The following TCAF1 variants were observed in gnomAD, a reference collection of about 807,000 sequenced individuals.
The protein encoded by TCAF1 is TRPM8 channel-associated factor 1.
In TCAF1, 4 loss-of-function variants were observed where a neutral mutation model predicts 27.3. That is an observed-to-expected ratio of 0.15 (90% CI 0.07 to 0.34). TCAF1 has a LOEUF of 0.34. Ranked by LOEUF, TCAF1 falls within the 10% of genes least tolerant of loss-of-function variation. The pLI, the probability that TCAF1 is intolerant of heterozygous loss-of-function variation, is 1.00. For synonymous variants in TCAF1, 105 were observed against 167.1 expected (o/e 0.63, Z 2.87); for missense variants, 257 against 425.8 (o/e 0.60, Z 3.49).
intron 1 of TCAF1, among the ~76,000 whole-genome samples, chr7:143,881,266 T>C (rs938340696): frequency 2.6e-5 from 4 of 152,222 alleles, no homozygotes; most frequent in African/African-American, 9.6e-5. Flanking sequence ...AGACATTCCA[T>C]GTCTGGATGA....
At chr7:143,886,699 C>CT (rs1586789615) in intron 1 of TCAF1, among the ~76,000 whole-genome samples, 1 of 124,016 alleles carries the variant, frequency 8.1e-6, no homozygotes, top group East Asian at 2.4e-4. Flanking sequence ...TCAAATTTTA[C>CT]CTTTTTTTTT....
chr7:143,851,778 GT>G lies in TCAF1; in HGVS notation c.*2354del, dbSNP rs1188736018. The G allele has an allele frequency of 2.0e-5, 3 of 152,012 alleles. No individual in the cohort carries two copies. The highest frequency in any genetic ancestry group is 7.3e-5 in the African/African-American group (3 of 41,326). The allele number at this position is 152,012 out of a possible 1,614,324, so 9.4% of individuals were successfully genotyped here. ...ACAATACACTAATCCTCTAGTTCTT[GT>G]TCCATTAACTGAAGATCTTTTCATC... On this transcript the variant is annotated 3_prime_UTR_variant, in exon 9 of 9. Coordinates refer to ENST00000479870, the MANE Select transcript of TCAF1 (RefSeq NM_014719.3).
At chr7:143,901,144 G>A (rs1461184282) in intron 1 of TCAF1, among the ~76,000 whole-genome samples, 2 of 152,086 alleles carry the variant, frequency 1.3e-5, no homozygotes, top group Non-Finnish European at 2.9e-5. Flanking sequence ...TTATTTTTTA[G>A]ACCATTCTGA....
chr7:143,897,983 T>G (rs1813964032), intron 1 of TCAF1, among the ~76,000 whole-genome samples: 1 of 152,116 alleles, frequency 6.6e-6, no homozygotes, highest in Admixed American at 6.5e-5. Context: ...TGTATCTATA[T>G]CCACATACAG....
chr7:143,886,191 C>A (rs967301763), intron 1 of TCAF1, among the ~76,000 whole-genome samples: 1 of 152,212 alleles, frequency 6.6e-6, no homozygotes, highest in African/African-American at 2.4e-5. Flanking sequence ...CCCAGGGCCC[C>A]AGGGAGATTT....
intron 1 of TCAF1, among the ~76,000 whole-genome samples, chr7:143,890,242 TC>T (rs1250798703): frequency 1.6e-4 from 24 of 151,680 alleles, no homozygotes; most frequent in African/African-American, 5.8e-4. Flanking sequence ...GACCTTGTGA[TC>T]CGCCCGCCTC....
intron 1 of TCAF1, among the ~76,000 whole-genome samples, chr7:143,889,206 C>G (rs1324557061): frequency 6.6e-6 from 1 of 152,056 alleles, no homozygotes; most frequent in African/African-American, 2.4e-5. Flanking sequence ...CACATCTGAT[C>G]TGAGGTTCAA....
intron 1 of TCAF1, among the ~76,000 whole-genome samples, chr7:143,888,149 A>G (rs944720504): frequency 6.6e-6 from 1 of 152,246 alleles, no homozygotes; most frequent in African/African-American, 2.4e-5. Context: ...GAATGTAGAT[A>G]AATGTCCCAA....
intron 1 of TCAF1, among the ~76,000 whole-genome samples, chr7:143,894,546 C>T (rs574455596): frequency 1.5e-4 from 23 of 151,820 alleles, no homozygotes; most frequent in Non-Finnish European, 2.7e-4. Context: ...TTAACCCATA[C>T]CTCATATCAT....
intron 1 of TCAF1, chr7:143,882,495 C>A: frequency 1.0e-6 from 1 of 985,374 alleles, no homozygotes; most frequent in Non-Finnish European, 1.2e-6. Context: ...AGGAGCAATG[C>A]GGCAGGGGGA....
intron 1 of TCAF1, among the ~76,000 whole-genome samples, chr7:143,890,128 A>G (rs1456760105): frequency 6.6e-6 from 1 of 151,948 alleles, no homozygotes; most frequent in Admixed American, 6.6e-5. Context: ...AGCTGGGACT[A>G]CAGGCACCCG....
intron 1 of TCAF1, chr7:143,886,459 A>G (rs1207606367): frequency 1.1e-5 from 11 of 971,956 alleles, no homozygotes; most frequent in Non-Finnish European, 1.3e-5. Flanking sequence ...TACAGGAAGC[A>G]TAGGTTAAGA....
intron 1 of TCAF1, chr7:143,882,546 C>T (rs1031401970): frequency 1.5e-5 from 15 of 985,274 alleles, no homozygotes; most frequent in Middle Eastern, 5.2e-4. Flanking sequence ...AGCAGAAATA[C>T]GGACACAAAG....
chr7:143,879,911 G>A (rs946062935), intron 1 of TCAF1, among the ~76,000 whole-genome samples: 8 of 152,066 alleles, frequency 5.3e-5, no homozygotes, highest in African/African-American at 1.9e-4. Context: ...GCTGGCACGA[G>A]TACAAGCAGA....
chr7:143,876,509 C>T lies in TCAF1; in HGVS notation c.100G>A (p.Glu34Lys). ...AVPCELLLIGEASFPVMVNDM... is the reference protein window; with the variant it reads ...AVPCELLLIGKASFPVMVNDM... ...TTCACCATCACAGGAAATGAAGCCT[C>T]TCCAATAAGAAGCAGTTCACATGGA... The change falls in exon 2 of 9, where the codon GAG becomes AAG. Residue 34 changes from glutamate (E) to lysine (K), a missense_variant. Around this residue, in one of 2 missense-constraint regions of TCAF1, gnomAD observed 255 missense variants for 260.1 expected, o/e 0.98. Coordinates refer to ENST00000479870, the MANE Select transcript of TCAF1 (RefSeq NM_014719.3). 6.3e-7 allele frequency: 1 copy of T among 1,581,232 alleles called. No individual in the cohort carries two copies. The highest frequency in any genetic ancestry group is 1.7e-4 in the Middle Eastern group (1 of 5,850).
In TCAF1 at chr7:143,884,192, T is replaced by G. The variant is rs73725412; in HGVS notation, c.-14-7570A>C. 8.2e-3 allele frequency among the ~76,000 whole-genome samples: 1,250 copies of G among 152,270 alleles called. 17 individuals are homozygous for G. Among genetic ancestry groups the G allele is most frequent in the African/African-American group, 0.029 (1,198 of 41,520 alleles). On this transcript the variant is annotated intron_variant, in intron 1 of 8. Transcript: ENST00000479870. ...TCAAATCATCCTAAAATTCAATATT[T>G]CATATTTCAGGAAAATGCATACCTT... is the stretch of plus-strand genomic sequence containing the variant.
chr7:143,860,000 TAA>T (rs1491332262), intron 6 of TCAF1, among the ~76,000 whole-genome samples: 1 of 12,450 alleles, frequency 8.0e-5, no homozygotes, highest in South Asian at 6.1e-3. Flanking sequence ...ATATATTATA[TAA>T]TATATATATA....
At chr7:143,872,283 TAAC>T (rs1252548216) in intron 2 of TCAF1, among the ~76,000 whole-genome samples, 1 of 151,998 alleles carries the variant, frequency 6.6e-6, no homozygotes, top group Non-Finnish European at 1.5e-5. Flanking sequence ...GGACATTAGA[TAAC>T]AACATTCTAT....
At chr7:143,891,387 T>C (rs1260193847) in intron 1 of TCAF1, among the ~76,000 whole-genome samples, 1 of 151,732 alleles carries the variant, frequency 6.6e-6, no homozygotes, top group Non-Finnish European at 1.5e-5. Context: ...CGTTAAGAAA[T>C]TAGAAACAAG....
Sources: allele counts gnomAD v4.1 joint callset (sites outside exome capture counted in the v4.1 genomes callset), GRCh38; gene constraint gnomAD v4.1.1; regional missense constraint gnomAD v4.1.1; transcripts MANE v1.5; gene names NCBI Gene and HGNC (gene_info 2026-07-23, HGNC 2026-07-21).